The following MAP3K4 variants were observed in gnomAD, a reference collection of about 807,000 sequenced individuals.
MAP3K4 encodes mitogen-activated protein kinase kinase kinase 4.
In MAP3K4, 67 loss-of-function variants were observed where a neutral mutation model predicts 185.6. That is an observed-to-expected ratio of 0.36 (90% confidence interval 0.30 to 0.44). The LOEUF is 0.44. Ranked by LOEUF, MAP3K4 falls within the 20% of genes least tolerant of loss-of-function variation. The pLI is 1.00. For missense variants in MAP3K4, 1,551 were observed against 1,995.1 expected (o/e 0.78, Z 4.24); for synonymous variants, 702 against 710.4 (o/e 0.99, Z 0.19).
Position 161,022,482 on chromosome 6 carries a change from TC to T in MAP3K4, c.153-11776del, listed in dbSNP as rs1782447571. Among the ~76,000 whole-genome samples the T allele has an allele frequency of 6.6e-6, 1 of 152,198 alleles. No homozygotes were observed. Among genetic ancestry groups the T allele is most frequent in the South Asian group, 2.1e-4 (1 of 4,830 alleles). ...TCCTAGAGCGGACCAGAGAACTGGC[TC>T]TCTGAACTGCCAGTCCATACTTTCT... is the stretch of plus-strand genomic sequence containing the variant. On this transcript the variant is annotated intron_variant, in intron 1 of 26. Transcript: ENST00000392142. The surrounding 1 kb of genome is among the most constrained non-coding windows in gnomAD (Gnocchi z 4.2).
rs185463101 is a variant in MAP3K4 at position 161,016,583 on chromosome 6, T to A, written c.153-17676T>A. Among the ~76,000 whole-genome samples the A allele has an allele frequency of 1.5e-3, 230 of 152,364 alleles. 1 individual carries two copies. The highest frequency in any genetic ancestry group is 5.2e-3 in the African/African-American group (218 of 41,578). ...TATAGCTGGTTGTCCTAGCACCGTT[T>A]GTTAAAAAGACTGTCCTTTTCCCAT... On this transcript the variant is annotated intron_variant, in intron 1 of 26. Coordinates refer to ENST00000392142, the MANE Select transcript of MAP3K4 (RefSeq NM_005922.4).
intron 1 of MAP3K4, among the ~76,000 whole-genome samples, chr6:161,032,198 G>T (rs995593093): frequency 1.2e-4 from 18 of 152,086 alleles, no homozygotes; most frequent in African/African-American, 4.3e-4. Flanking sequence ...TTATAATATT[G>T]AGTTCGAAAG....
intron 1 of MAP3K4, among the ~76,000 whole-genome samples, chr6:160,994,302 TCC>T (rs1334199550): frequency 6.6e-6 from 1 of 152,108 alleles, no homozygotes; most frequent in African/African-American, 2.4e-5. Flanking sequence ...CTCTGAGCCT[TCC>T]CCCGAGTCTT....
In MAP3K4 at chr6:161,115,194, C is replaced by T. The variant is rs573593588; in HGVS notation, c.4698C>T (p.Ile1566=). 6.2e-7 allele frequency: 1 copy of T among 1,614,128 alleles called. No individual in the cohort carries two copies. The highest frequency in any genetic ancestry group is 2.2e-5 in the East Asian group (1 of 44,878). The change falls in exon 26 of 27, where the codon ATC becomes ATT. Residue 1566 remains isoleucine (I), a synonymous_variant. Coordinates refer to ENST00000392142, the MANE Select transcript of MAP3K4 (RefSeq NM_005922.4). This position sits in a 1 kb window ranked among gnomAD's most constrained non-coding sequence, Gnocchi z 6.0. ...TGGGGATGGGACATAAGCCACCAAT[C>T]CCTGAAAGATTAAGCCCTGAAGGAA... ...YKVGMGHKPP[I]PERLSPEGKD...
At chr6:161,015,698 C>T (rs9458089) in intron 1 of MAP3K4, among the ~76,000 whole-genome samples, 4,160 of 151,834 alleles carry the variant, frequency 0.027, 125 homozygotes, top group African/African-American at 0.073. Flanking sequence ...TGGTGCGGGG[C>T]GGGGGGAAGG....
intron 1 of MAP3K4, among the ~76,000 whole-genome samples, chr6:161,001,329 C>A (rs1781314602): frequency 6.6e-6 from 1 of 151,890 alleles, no homozygotes; most frequent in Non-Finnish European, 1.5e-5. Flanking sequence ...TATTTCACAT[C>A]TATATATTCT....
Position 161,056,399 on chromosome 6 carries a change from A to C in MAP3K4, c.1707+6420A>C, listed in dbSNP as rs549327580. 1.3e-5 allele frequency among the ~76,000 whole-genome samples: 2 copies of C among 152,290 alleles called. No individual in the cohort carries two copies. The highest frequency in any genetic ancestry group is 1.3e-4 in the Admixed American group (2 of 15,288). On this transcript the variant is annotated intron_variant, in intron 3 of 26. Coordinates refer to ENST00000392142, the MANE Select transcript of MAP3K4 (RefSeq NM_005922.4). This position sits in a 1 kb window ranked among gnomAD's most constrained non-coding sequence, Gnocchi z 5.4. ...AGTGATAGAATTAGAACGTACAGGT[A>C]TGTCTTCTAACCTGTGTATACACAC...
intron 1 of MAP3K4, among the ~76,000 whole-genome samples, chr6:161,033,729 G>A (rs1040078404): frequency 1.3e-5 from 2 of 152,002 alleles, no homozygotes; most frequent in African/African-American, 4.8e-5. Flanking sequence ...ATACTTTCTT[G>A]GTACTTCGTG....
chr6:161,079,042 C>T (rs771805934), intron 5 of MAP3K4, among the ~76,000 whole-genome samples: 1 of 151,506 alleles, frequency 6.6e-6, no homozygotes, highest in Non-Finnish European at 1.5e-5. Context: ...GGCAAAACCC[C>T]GTCTCTACTA....
rs942931069 is a variant in MAP3K4, at chr6:161,007,360, A to T, written c.152+15277A>T. ...AGGGAGAAACTTAGGGTTTTATAAAACGTGGGAATTACTGAGGAAGATAGA... is the reference window on the plus strand; with the variant it reads ...AGGGAGAAACTTAGGGTTTTATAAATCGTGGGAATTACTGAGGAAGATAGA... On this transcript the variant is annotated intron_variant, in intron 1 of 26. Transcript: ENST00000392142. The surrounding 1 kb of genome is among the most constrained non-coding windows in gnomAD (Gnocchi z 4.5). 2.0e-5 allele frequency among the ~76,000 whole-genome samples: 3 copies of T among 152,192 alleles called. No homozygotes were observed. Among genetic ancestry groups the T allele is most frequent in the Non-Finnish European group, 4.4e-5 (3 of 68,030 alleles).
chr6:161,114,022 C>T lies in MAP3K4; in HGVS notation c.4627-1101C>T, dbSNP rs750878986. Among the ~76,000 whole-genome samples, 10 of 151,948 alleles carry T rather than the reference C, an allele frequency of 6.6e-5. No individual in the cohort carries two copies. The highest frequency in any genetic ancestry group is 1.2e-4 in the Non-Finnish European group (8 of 67,986). ...GTGTTGGCCAGGCTGGTCTCGAACT[C>T]CTGACCTCATGATCCGCCTGCCTCA... On this transcript the variant is annotated intron_variant, in intron 25 of 26. Transcript: ENST00000392142. The surrounding 1 kb of genome is among the most constrained non-coding windows in gnomAD (Gnocchi z 4.3).
At chr6:161,014,399 A>C (rs554639832) in intron 1 of MAP3K4, among the ~76,000 whole-genome samples, 12 of 152,194 alleles carry the variant, frequency 7.9e-5, no homozygotes, top group Non-Finnish European at 1.5e-4. Flanking sequence ...TTTCCTTTCA[A>C]ATCCTGCTAG....
intron 2 of MAP3K4, among the ~76,000 whole-genome samples, chr6:161,035,085 C>CT (rs147212843): frequency 0.022 from 3,383 of 152,098 alleles, 105 homozygotes; most frequent in African/African-American, 0.073. Context: ...CGTAACTGTT[C>CT]TTTTTTTGTG....
chr6:160,997,460 CTG>C (rs1194667359), intron 1 of MAP3K4, among the ~76,000 whole-genome samples: 3 of 152,168 alleles, frequency 2.0e-5, no homozygotes, highest in Non-Finnish European at 4.4e-5. Context: ...TTATTAAAAA[CTG>C]TTTTTAAATA....
rs540559330 is a variant in MAP3K4, at chr6:161,097,701, C to T, written c.3524+525C>T. Among the ~76,000 whole-genome samples, 47 of 152,276 alleles carry T rather than the reference C, an allele frequency of 3.1e-4. No homozygotes were observed. The highest frequency in any genetic ancestry group is 1.0e-3 in the African/African-American group (42 of 41,560). ...TTTCTGCATCTTGAGGTAGTGAGCA[C>T]CTTCTCTCGCCTGTATAATCAGTTT... On this transcript the variant is annotated intron_variant, in intron 16 of 26. Coordinates refer to ENST00000392142, the MANE Select transcript of MAP3K4 (RefSeq NM_005922.4). The surrounding 1 kb of genome is among the most constrained non-coding windows in gnomAD (Gnocchi z 4.9).
rs1192006455 is a variant in MAP3K4 at position 161,073,513 on chromosome 6, G to A, written c.1998G>A (p.Lys666=). The A allele has an allele frequency of 6.2e-7, 1 of 1,613,436 alleles. No homozygotes were observed. Among genetic ancestry groups the A allele is most frequent in the South Asian group, 1.1e-5 (1 of 90,982 alleles). Reference sequence around the variant, plus strand: ...TCCTGAAGGGCGGCCTGCTGATGAAGCAGTACTACCAGTTCATGCTGCAGG... The same window carrying A: ...TCCTGAAGGGCGGCCTGCTGATGAAACAGTACTACCAGTTCATGCTGCAGG... The part of the protein sequence containing the change: ...KEVLKGGLLM[K]QYYQFMLQEV... Residue 666 remains lysine, a synonymous_variant, in exon 5 of 27, where the codon AAG becomes AAA. Coordinates refer to ENST00000392142, the MANE Select transcript of MAP3K4 (RefSeq NM_005922.4). This position sits in a 1 kb window ranked among gnomAD's most constrained non-coding sequence, Gnocchi z 4.2.
chr6:161,091,272 T>G lies in MAP3K4; in HGVS notation c.2974-107T>G. The G allele has an allele frequency of 1.3e-6, 1 of 793,532 alleles. No individual in the cohort carries two copies. Among genetic ancestry groups the G allele is most frequent in the Non-Finnish European group, 1.9e-6 (1 of 515,074 alleles). 49.2% of individuals were successfully genotyped at this position (793,532 alleles called of 1,614,324 possible). Reference sequence around the variant, plus strand: ...TCCTTTACCAAGTGGCTGAATTGTTTGTAGTGGTTAATGTCTGTGTGATGA... The same window carrying G: ...TCCTTTACCAAGTGGCTGAATTGTTGGTAGTGGTTAATGTCTGTGTGATGA... On this transcript the variant is annotated intron_variant, in intron 11 of 26. Transcript: ENST00000392142. The surrounding 1 kb of genome is among the most constrained non-coding windows in gnomAD (Gnocchi z 5.5).
At position 161,091,343 on chromosome 6, in the gene MAP3K4, C is replaced by A; in HGVS notation, c.2974-36C>A. 6.4e-7 allele frequency: 1 copy of A among 1,568,034 alleles called. No individual in the cohort carries two copies. Among genetic ancestry groups the A allele is most frequent in the Non-Finnish European group, 8.7e-7 (1 of 1,151,068 alleles). ...AATGTGGTAAGTATTGTATGATTTG[C>A]TTCATTTTGCATTAATCATGGTTTG... On this transcript the variant is annotated intron_variant, in intron 11 of 26. Coordinates refer to ENST00000392142, the MANE Select transcript of MAP3K4 (RefSeq NM_005922.4). This position sits in a 1 kb window ranked among gnomAD's most constrained non-coding sequence, Gnocchi z 5.5.
chr6:161,024,337 C>T (rs1012268182), intron 1 of MAP3K4, among the ~76,000 whole-genome samples: 1 of 152,126 alleles, frequency 6.6e-6, no homozygotes, highest in African/African-American at 2.4e-5. Context: ...ACCCTATGCT[C>T]AGTTTCCCCT....
Sources: gnomAD v4.1 joint callset for allele counts (sites outside exome capture counted in the v4.1 genomes callset) on GRCh38, gnomAD v4.1.1 for gene constraint, Gnocchi (gnomAD v3.1) non-coding constraint, MANE v1.5 for transcripts, NCBI Gene and HGNC (gene_info 2026-07-23, HGNC 2026-07-21) for gene names.